Variants in CA12 observed in about 807,000 individuals in gnomAD.
The protein encoded by CA12 is carbonate dehydratase XII.
CA12 carries 36 observed loss-of-function variants against 46.8 expected under a neutral mutation model. The observed-to-expected ratio is 0.77, with a 90% CI of 0.59 to 1.02. CA12 has a LOEUF of 1.02. CA12 is among the 50% of genes least tolerant of loss of function. The probability of loss-of-function intolerance (pLI) is 0.00; values close to 1 mark genes in which losing one functional copy is unlikely to be tolerated. For synonymous variants in CA12, 202 were observed against 187.0 expected, an observed-to-expected ratio of 1.08 and a Z score of -0.65; for missense variants, 436 against 451.4, an observed-to-expected ratio of 0.97 and a Z score of 0.31.
At chr15:63,334,287 ACT>A (rs1009631247) in intron 8 of CA12, among the ~76,000 whole-genome samples, 3 of 104,346 alleles carry the variant, frequency 2.9e-5, no homozygotes, top group African/African-American at 3.9e-5. Context: ...ATGGAGTATC[ACT>A]CTGTCGCCCA....
chr15:63,376,557 C>CCTTCCTTTCTTTCTTTCTTT (rs1555432625), intron 1 of CA12, among the ~76,000 whole-genome samples: 57 of 104,620 alleles, frequency 5.4e-4, no homozygotes, highest in African/African-American at 1.8e-3. Context: ...CTCTTTCTTT[C>CCTTCCTTTCTTTCTTTCTTT]CTTTCTTTCT....
At chr15:63,343,887 A>T (rs543112333) in intron 4 of CA12, among the ~76,000 whole-genome samples, 1 of 152,140 alleles carries the variant, frequency 6.6e-6, no homozygotes, top group Non-Finnish European at 1.5e-5. Flanking sequence ...CTCCCATTCT[A>T]TTCCTAAATA....
At chr15:63,358,560 C>A (rs907326995) in intron 2 of CA12, among the ~76,000 whole-genome samples, 1 of 152,178 alleles carries the variant, frequency 6.6e-6, no homozygotes, top group Non-Finnish European at 1.5e-5. Flanking sequence ...CTCCCTCTCC[C>A]CATCCGCCTT....
At chr15:63,337,447 TTTTG>T (rs1226099085) in intron 8 of CA12, among the ~76,000 whole-genome samples, 2 of 152,172 alleles carry the variant, frequency 1.3e-5, no homozygotes, top group African/African-American at 4.8e-5. Flanking sequence ...AACGGGTTTC[TTTTG>T]TTTTTGTTTT....
At position 63,334,831 on chromosome 15, in the gene CA12, G is replaced by T. The variant is rs568817316; in HGVS notation, c.874+3988C>A. Among the ~76,000 whole-genome samples, 25 of 152,232 alleles carry T rather than the reference G, an allele frequency of 1.6e-4. No homozygotes were observed. The South Asian group carries it at 1.7e-3, about 10-fold the overall frequency. ...TGGTCTTACCCAATCATATAAAAAA[G>T]AATCTATACTTGAATTCTAAAGGAA... On this transcript the variant is annotated intron_variant, in intron 8 of 10. Transcript: ENST00000178638.
intron 1 of CA12, among the ~76,000 whole-genome samples, chr15:63,377,579 T>C (rs2039593444): frequency 6.6e-6 from 1 of 152,216 alleles, no homozygotes; most frequent in Non-Finnish European, 1.5e-5. Context: ...AATTTTCCAA[T>C]GTAATTGGTA....
At chr15:63,381,605 G>A in intron 1 of CA12, 31 bp downstream of exon 1, 1 of 1,584,782 alleles carries the variant, frequency 6.3e-7, no homozygotes, top group Non-Finnish European at 8.6e-7. Context: ...GCGCTCAGGA[G>A]TGTTAGGAAA....
At chr15:63,334,085 C>T (rs1010536937) in intron 8 of CA12, among the ~76,000 whole-genome samples, 1 of 152,010 alleles carries the variant, frequency 6.6e-6, no homozygotes, top group Admixed American at 6.6e-5. Flanking sequence ...CCTGTGATGT[C>T]CCCCTGCCTC....
Position 63,326,182 on chromosome 15 carries a change from A to AG in CA12, c.*102dup, listed in dbSNP as rs3842343. ...TGAGGCCTGGCATGTTTGCAGATTG[A>AG]GCTACAGAGAACACCTTGAGGTGTC... On this transcript the variant is annotated 3_prime_UTR_variant, in exon 11 of 11. Transcript: ENST00000178638. The AG allele has an allele frequency of 3.5e-4, 313 of 900,426 alleles. 4 individuals are homozygous for AG. The East Asian group carries it at 7.5e-3, about 22-fold the overall frequency. The allele number at this position is 900,426 out of a possible 1,614,324, so 55.8% of individuals were successfully genotyped here.
rs115818954 is a variant in CA12, at chr15:63,340,956, G to C, written c.526-173C>G. On this transcript the variant is annotated intron_variant, in intron 5 of 10. Transcript: ENST00000178638. The surrounding 1 kb of genome is among the most constrained non-coding windows in gnomAD (Gnocchi z 4.4). ...TAGGCTCTTGGGAGTTAGTGTAATG[G>C]TCCTGCCTCTTGCATCTCAGGACGT... Among the ~76,000 whole-genome samples, 1 of 152,176 alleles carries C rather than the reference G, an allele frequency of 6.6e-6. No individual in the cohort carries two copies. The highest frequency in any genetic ancestry group is 6.5e-5 in the Admixed American group (1 of 15,282).
chr15:63,373,019 A>G lies in CA12; in HGVS notation c.106+2639T>C, dbSNP rs1001902698. On this transcript the variant is annotated intron_variant, in intron 2 of 10. Coordinates refer to ENST00000178638, the MANE Select transcript of CA12 (RefSeq NM_001218.5). This position sits in a 1 kb window ranked among gnomAD's most constrained non-coding sequence, Gnocchi z 4.9. ...CTTCTGGACAGGTCAGTGTGGCTGCACTGAGAAGCCCGCCCTTGGCGAACA... is the reference window on the plus strand; with the variant it reads ...CTTCTGGACAGGTCAGTGTGGCTGCGCTGAGAAGCCCGCCCTTGGCGAACA... 2.6e-5 allele frequency among the ~76,000 whole-genome samples: 4 copies of G among 152,206 alleles called. No individual in the cohort carries two copies. The highest frequency in any genetic ancestry group is 6.5e-5 in the Admixed American group (1 of 15,274).
chr15:63,381,092 A>T (rs1242046218), intron 1 of CA12, among the ~76,000 whole-genome samples: 2 of 152,116 alleles, frequency 1.3e-5, no homozygotes, highest in Non-Finnish European at 1.5e-5. Flanking sequence ...ACACACGTAC[A>T]TTCAGCATAG....
In CA12 at chr15:63,329,983, CA is replaced by C. The variant is rs2038914846; in HGVS notation, c.875-1854del. ...CTGGGGGTTCCTGGTCTGGCTTCCC[CA>C]GGTGGCACCGGGCTGCTGTGAGGGT... On this transcript the variant is annotated intron_variant, in intron 8 of 10. Coordinates refer to ENST00000178638, the MANE Select transcript of CA12 (RefSeq NM_001218.5). The surrounding 1 kb of genome is among the most constrained non-coding windows in gnomAD (Gnocchi z 4.8). 6.6e-6 allele frequency among the ~76,000 whole-genome samples: 1 copy of C among 152,214 alleles called. No homozygotes were observed. Among genetic ancestry groups the C allele is most frequent in the African/African-American group, 2.4e-5 (1 of 41,454 alleles).
At chr15:63,346,380 C>T (rs889328630) in intron 3 of CA12, 150 bp downstream of exon 3, 93 of 736,376 alleles carry the variant, frequency 1.3e-4, no homozygotes, top group Middle Eastern at 1.1e-3. Context: ...AGAGAGTGCT[C>T]CTGGAATCTC....
Position 63,340,487 on chromosome 15 carries a change from C to A in CA12, c.590-42G>T. 2 of 1,612,302 alleles carry A rather than the reference C, an allele frequency of 1.2e-6. No individual in the cohort carries two copies. The highest frequency in any genetic ancestry group is 1.7e-6 in the Non-Finnish European group (2 of 1,178,334). ...CAGAGGTGATAGTGTCAGCCTCCCT[C>A]CGTAGGGCATAAGTGCAGCTGAACA... On this transcript the variant is annotated intron_variant, in intron 6 of 10. Coordinates refer to ENST00000178638, the MANE Select transcript of CA12 (RefSeq NM_001218.5). The surrounding 1 kb of genome is among the most constrained non-coding windows in gnomAD (Gnocchi z 4.4).
intron 8 of CA12, among the ~76,000 whole-genome samples, chr15:63,333,511 G>T (rs571100736): frequency 6.6e-6 from 1 of 152,240 alleles, no homozygotes; most frequent in Non-Finnish European, 1.5e-5. Flanking sequence ...CCAGACCAGC[G>T]ACTGAAGGTG....
chr15:63,336,273 G>C (rs1280983587), intron 8 of CA12, among the ~76,000 whole-genome samples: 1 of 152,186 alleles, frequency 6.6e-6, no homozygotes, highest in Non-Finnish European at 1.5e-5. Context: ...CTAAAAACCT[G>C]CCTACGCTGC....
Position 63,377,892 on chromosome 15 carries a change from A to G in CA12, c.86-2214T>C, listed in dbSNP as rs186115179. ...CATCTCCTCCTTTTGTAGGTGAGGA[A>G]ATGAAAGTCCACCAAGGTGAAGTGT... On this transcript the variant is annotated intron_variant, in intron 1 of 10. Coordinates refer to ENST00000178638, the MANE Select transcript of CA12 (RefSeq NM_001218.5). Among the ~76,000 whole-genome samples the G allele has an allele frequency of 6.2e-3, 941 of 152,306 alleles. 4 individuals are homozygous for G. The highest frequency in any genetic ancestry group is 0.02 in the South Asian group (98 of 4,820).
intron 2 of CA12, among the ~76,000 whole-genome samples, chr15:63,354,494 C>T (rs1046878540): frequency 1.3e-5 from 2 of 152,148 alleles, no homozygotes; most frequent in African/African-American, 4.8e-5. Flanking sequence ...CTTGGGGAGG[C>T]AGGAGGATCA....
Sources: allele counts gnomAD v4.1 joint callset (sites outside exome capture counted in the v4.1 genomes callset), GRCh38; gene constraint gnomAD v4.1.1; non-coding constraint Gnocchi (gnomAD v3.1); transcripts MANE v1.5; gene names NCBI Gene and HGNC (gene_info 2026-07-23, HGNC 2026-07-21).